Variants in GNPAT observed in about 807,000 individuals in gnomAD.
The protein encoded by GNPAT is glyceronephosphate O-acyltransferase.
A neutral mutation model predicts 78.4 loss-of-function variants in GNPAT; 30 were observed. The observed-to-expected ratio is 0.38, with a 90% CI of 0.29 to 0.52. The LOEUF (loss-of-function observed/expected upper bound fraction) is 0.52, where lower values mean the gene tolerates loss of function less well. GNPAT is among the 20% of genes least tolerant of loss of function. The pLI is 0.84. For missense variants in GNPAT, 714 were observed against 812.2 expected, an observed-to-expected ratio of 0.88 and a Z score of 1.47; for synonymous variants, 271 against 281.1, an observed-to-expected ratio of 0.96 and a Z score of 0.36.
At chr1:231,262,677 T>C (rs1459799182) in intron 3 of GNPAT, 46 bp from the exon 4 acceptor site, 4 of 1,477,114 alleles carry the variant, frequency 2.7e-6, no homozygotes, top group Non-Finnish European at 3.8e-6. Flanking sequence ...TGTGATTTGA[T>C]AACATGACAA....
Position 231,265,402 on chromosome 1 carries a change from T to C in GNPAT, c.678T>C (p.Tyr226=). ...NKLYWAVFSE[Y]VKTMLRNGYA... Reference sequence around the variant, plus strand: ...TCTACTGGGCTGTATTCTCTGAATATGTAAAAACTATGTTACGGGTAAATG... The same window carrying C: ...TCTACTGGGCTGTATTCTCTGAATACGTAAAAACTATGTTACGGGTAAATG... Residue 226 remains tyrosine, a synonymous_variant, in exon 5 of 16, where the codon TAT becomes TAC. Transcript: ENST00000366647. 1.2e-6 allele frequency: 2 copies of C among 1,609,726 alleles called. No individual in the cohort carries two copies. Among genetic ancestry groups the C allele is most frequent in the Non-Finnish European group, 1.7e-6 (2 of 1,175,942 alleles).
At chr1:231,247,239 C>G (rs1293548472) in intron 1 of GNPAT, among the ~76,000 whole-genome samples, 2 of 151,666 alleles carry the variant, frequency 1.3e-5, no homozygotes, top group Non-Finnish European at 2.9e-5. Context: ...ACTGTGAATA[C>G]TGAGGAGCCA....
intron 11 of GNPAT, 38 bp downstream of exon 11, chr1:231,272,429 TG>T (rs745810273): frequency 9.2e-7 from 1 of 1,086,160 alleles, no homozygotes; most frequent in Non-Finnish European, 1.4e-6. Flanking sequence ...ATGTTTGCAG[TG>T]TGAGTTCTAG....
At chr1:231,257,305 G>T (rs575386189) in intron 2 of GNPAT, among the ~76,000 whole-genome samples, 6 of 152,008 alleles carry the variant, frequency 3.9e-5, no homozygotes, top group African/African-American at 1.4e-4. Flanking sequence ...ATTCTGCCTC[G>T]TTTCCCTCTT....
At chr1:231,242,892 G>A (rs1264307884) in intron 1 of GNPAT, among the ~76,000 whole-genome samples, 2 of 152,198 alleles carry the variant, frequency 1.3e-5, no homozygotes, top group Non-Finnish European at 2.9e-5. Context: ...ACTCTTTACT[G>A]GTAGTTCTCA....
chr1:231,269,653 T>G (rs1300164707), intron 9 of GNPAT, among the ~76,000 whole-genome samples: 1 of 152,146 alleles, frequency 6.6e-6, no homozygotes, highest in Non-Finnish European at 1.5e-5. Flanking sequence ...TTAATTATGA[T>G]ACAAGTAGCA....
intron 2 of GNPAT, among the ~76,000 whole-genome samples, chr1:231,254,149 G>A (rs1490871622): frequency 1.3e-5 from 2 of 152,092 alleles, no homozygotes; most frequent in South Asian, 2.1e-4. Context: ...TAATTCTAAT[G>A]CACACCCAGG....
rs1338378859 is a variant in GNPAT, at chr1:231,250,596, C to CT, written c.79-364dup. ...GTTTGTTTTAATGTAATTTTTAAAG[C>CT]TAAGTAGAGGCAAATGGAACAGGTT... On this transcript the variant is annotated intron_variant, in intron 1 of 15. Transcript: ENST00000366647. Among the ~76,000 whole-genome samples the CT allele has an allele frequency of 2.2e-4, 33 of 152,044 alleles. 1 individual carries two copies. The highest frequency in any genetic ancestry group is 3.9e-4 in the Admixed American group (6 of 15,260).
At position 231,265,972 on chromosome 1, in the gene GNPAT, T is replaced by C. The variant is rs751933556; in HGVS notation, c.773-42T>C. 3.9e-6 allele frequency: 6 copies of C among 1,554,522 alleles called. No individual in the cohort carries two copies. The South Asian group carries it at 6.7e-5, about 17-fold the overall frequency. ...GTTTATGTGCTCATGTTTGCTCTGC[T>C]CTTCAATATGTTGATGAAGCATTTC... On this transcript the variant is annotated intron_variant, in intron 6 of 15. Coordinates refer to ENST00000366647, the MANE Select transcript of GNPAT (RefSeq NM_014236.4).
chr1:231,256,479 C>CT (rs10693276), intron 2 of GNPAT, among the ~76,000 whole-genome samples: 2,092 of 75,728 alleles, frequency 0.028, 201 homozygotes, highest in African/African-American at 0.085. Flanking sequence ...CTAATTTTCT[C>CT]TTTTTTTTTT....
chr1:231,241,610 C>G (rs1684608146), intron 1 of GNPAT, among the ~76,000 whole-genome samples, 154 bp downstream of exon 1: 1 of 152,244 alleles, frequency 6.6e-6, no homozygotes, highest in African/African-American at 2.4e-5. Context: ...GTTTCCAGGA[C>G]AACAGTGTAT....
At chr1:231,254,159 G>C (rs955045428) in intron 2 of GNPAT, among the ~76,000 whole-genome samples, 11 of 152,192 alleles carry the variant, frequency 7.2e-5, no homozygotes, top group Admixed American at 5.9e-4. Context: ...GCACACCCAG[G>C]TTAAGTGTTA....
At chr1:231,247,994 G>A (rs1684793992) in intron 1 of GNPAT, among the ~76,000 whole-genome samples, 1 of 152,182 alleles carries the variant, frequency 6.6e-6, no homozygotes, top group Non-Finnish European at 1.5e-5. Context: ...ATACATGCCT[G>A]CTAGTTTCCC....
chr1:231,241,430 C>A lies in GNPAT; in HGVS notation c.52C>A (p.Pro18Thr), dbSNP rs761665771. 1.9e-6 allele frequency: 3 copies of A among 1,613,564 alleles called. No individual in the cohort carries two copies. The highest frequency in any genetic ancestry group is 2.5e-6 in the Non-Finnish European group (3 of 1,179,490). ...NSYFSVGPTS[P>T]SAVVLLYSKE... Reference sequence around the variant, plus strand: ...TTATTTCTCCGTTGGCCCAACCAGTCCCAGCGCTGTCGTGCTCCTCTACTC... The same window carrying A: ...TTATTTCTCCGTTGGCCCAACCAGTACCAGCGCTGTCGTGCTCCTCTACTC... The change falls in exon 1 of 16, where the codon CCC (proline) becomes ACC (threonine). Residue 18 changes from proline (P) to threonine (T), a missense_variant. Transcript: ENST00000366647.
In GNPAT at chr1:231,265,713, A is replaced by G. The variant is rs374437334; in HGVS notation, c.698A>G (p.Asn233Ser). The change falls in exon 6 of 16, where the codon AAT becomes AGT. Residue 233 changes from asparagine (N) to serine (S), a missense_variant and splice_region_variant. Physicochemically the swap from Asn to Ser is conservative, Grantham distance 46. Coordinates refer to ENST00000366647, the MANE Select transcript of GNPAT (RefSeq NM_014236.4). Reference sequence around the variant, plus strand: ...GTTTTGTTTGTTTTCTCTTTAAAGAATGGTTATGCTCCTGTTGAATTTTTC... The same window carrying G: ...GTTTTGTTTGTTTTCTCTTTAAAGAGTGGTTATGCTCCTGTTGAATTTTTC... ...FSEYVKTMLR[N>S]GYAPVEFFLE... The G allele has an allele frequency of 8.9e-6, 14 of 1,571,632 alleles. No individual in the cohort carries two copies. In the African/African-American group the frequency reaches 1.6e-4, roughly 18 times the overall value.
chr1:231,253,527 C>G (rs990593018), intron 2 of GNPAT, among the ~76,000 whole-genome samples: 2 of 152,186 alleles, frequency 1.3e-5, no homozygotes, highest in Admixed American at 6.5e-5. Context: ...ACATTTTTAT[C>G]TCTGCTCTCT....
In GNPAT at chr1:231,266,301, C is replaced by T. The variant is rs907339691; in HGVS notation, c.949C>T (p.Leu317Phe). The T allele has an allele frequency of 6.2e-6, 10 of 1,613,990 alleles. No individual in the cohort carries two copies. The highest frequency in any genetic ancestry group is 2.7e-5 in the African/African-American group (2 of 74,912). ...GGGGTTGCTGAAAGCCAGAAAGATT[C>T]TCTCTGAAAATTTTGGAAGCATCCA... ...TTGLLKARKILSENFGSIHVY... is the reference protein window; with the variant it reads ...TTGLLKARKIFSENFGSIHVY... The change falls in exon 8 of 16, where the codon CTC becomes TTC. Residue 317 changes from leucine (L) to phenylalanine (F), a missense_variant. Transcript: ENST00000366647.
rs532060588 is a variant in GNPAT at position 231,268,900 on chromosome 1, C to T, written c.1279+997C>T. Among the ~76,000 whole-genome samples, 19 of 109,072 alleles carry T rather than the reference C, an allele frequency of 1.7e-4. No individual in the cohort carries two copies. In the South Asian group the frequency reaches 5.2e-3, roughly 30 times the overall value. The allele number at this position is 109,072 out of a possible 152,430, so 71.6% of individuals were successfully genotyped here. ...CAGCCTGGGTGATAGAGCGAGATTC[C>T]GTCTCAAAAAAAAAAAAAAATTGTA... On this transcript the variant is annotated intron_variant, in intron 9 of 15. Coordinates refer to ENST00000366647, the MANE Select transcript of GNPAT (RefSeq NM_014236.4).
chr1:231,260,466 ATTG>A (rs769468795), intron 2 of GNPAT, 38 bp from the exon 3 acceptor site: 1 of 1,400,090 alleles, frequency 7.1e-7, no homozygotes, highest in Non-Finnish European at 1.0e-6. Flanking sequence ...CTTTTCTGTT[ATTG>A]TTGTTAGAAA....
Sources: gnomAD v4.1 joint callset for allele counts (sites outside exome capture counted in the v4.1 genomes callset) on GRCh38, gnomAD v4.1.1 for gene constraint, MANE v1.5 for transcripts, NCBI Gene and HGNC (gene_info 2026-07-23, HGNC 2026-07-21) for gene names.